Variants in BBS12 observed in about 807,000 individuals in gnomAD.
BBS12 encodes the protein chaperonin-containing T-complex member BBS12.
In BBS12, 5 loss-of-function variants were observed where a neutral mutation model predicts 5.6. The ratio of observed to expected loss-of-function variants is 0.89; its 90% CI spans 0.46 to 1.86. The LOEUF is 1.86. Ranked by LOEUF, BBS12 falls within the 40% of genes most tolerant of loss-of-function variation. BBS12 has a pLI of 0.01. For synonymous variants in BBS12, 308 were observed against 306.8 expected (o/e 1.00, Z -0.04); for missense variants, 748 against 830.4 (o/e 0.90, Z 1.22).
At chr4:122,710,331 A>G in the BBS12 span, among the ~76,000 whole-genome samples, 1 of 152,242 alleles carries the variant, frequency 6.6e-6, no homozygotes, top group African/African-American at 2.4e-5. Context: ...AAATTAAATA[A>G]TAAAGATCTA....
chr4:122,715,121 G>A, the BBS12 span, among the ~76,000 whole-genome samples: 3 of 151,444 alleles, frequency 2.0e-5, no homozygotes, highest in Admixed American at 6.6e-5. Flanking sequence ...ATACTACACA[G>A]TTGGAGGCAT....
At chr4:122,741,407 G>A (rs1373755202) in intron 1 of BBS12, among the ~76,000 whole-genome samples, 1 of 152,124 alleles carries the variant, frequency 6.6e-6, no homozygotes, top group Non-Finnish European at 1.5e-5. Flanking sequence ...GGCTGGTCTC[G>A]AACCCCTGAC....
At chr4:122,719,148 G>A in the BBS12 span, among the ~76,000 whole-genome samples, 31 of 152,158 alleles carry the variant, frequency 2.0e-4, no homozygotes, top group Non-Finnish European at 4.0e-4. Flanking sequence ...CCAAGACTGA[G>A]AGGTGAAGCC....
chr4:122,741,738 T>C, intron 1 of BBS12, 145 bp from the exon 2 acceptor site: 1 of 661,608 alleles, frequency 1.5e-6, no homozygotes, highest in East Asian at 2.8e-5. Context: ...AATAGAATAA[T>C]AATACTGTAT....
At chr4:122,736,691 T>G (rs1481004412) in intron 1 of BBS12, among the ~76,000 whole-genome samples, 1 of 152,160 alleles carries the variant, frequency 6.6e-6, no homozygotes, top group African/African-American at 2.4e-5. Flanking sequence ...ATTGTGTCTG[T>G]GTAATGCCAA....
rs765821625 is a variant in BBS12, at chr4:122,743,010, A to G, written c.1118A>G (p.Asn373Ser). 3 of 1,614,130 alleles carry G rather than the reference A, an allele frequency of 1.9e-6. No homozygotes were observed. The highest frequency in any genetic ancestry group is 2.5e-6 in the Non-Finnish European group (3 of 1,180,056). ...LTENYRHLGF[N>S]KSANIKTVLD... is the part of the protein sequence containing the mutation. ...GAGAATTACCGCCACCTGGGATTTA[A>G]TAAGTCTGCAAATATTAAAACAGTA... Residue 373 changes from asparagine (N) to serine (S), a missense_variant, in exon 2 of 2, where the codon AAT becomes AGT. Transcript: ENST00000314218.
chr4:122,702,131 G>A, the BBS12 span, among the ~76,000 whole-genome samples: 1 of 152,174 alleles, frequency 6.6e-6, no homozygotes, highest in African/African-American at 2.4e-5. Context: ...AGGCTAGAGT[G>A]CAGTTGCATA....
chr4:122,725,725 C>T, the BBS12 span, among the ~76,000 whole-genome samples: 58 of 151,814 alleles, frequency 3.8e-4, 1 homozygote, highest in Middle Eastern at 0.01. Flanking sequence ...GGTGAAACCC[C>T]GTCTCTACTA....
Position 122,744,376 on chromosome 4 carries a change from G to T in BBS12, c.*351G>T. 3.9e-6 allele frequency: 1 copy of T among 259,256 alleles called. No homozygotes were observed. 16.1% of individuals were successfully genotyped at this position (259,256 alleles called of 1,614,324 possible). A position where few individuals can be genotyped will look rare whatever the true frequency, so the allele number is the denominator to read the frequency against. Reference sequence around the variant, plus strand: ...CACAAAGGGCCCATGATGAAAGCCTGCACACAGTGGGTTATGTTGTAAGCT... The same window carrying T: ...CACAAAGGGCCCATGATGAAAGCCTTCACACAGTGGGTTATGTTGTAAGCT... On this transcript the variant is annotated 3_prime_UTR_variant, in exon 2 of 2. Transcript: ENST00000314218.
At chr4:122,717,395 CTTTTT>C in the BBS12 span, among the ~76,000 whole-genome samples, 1 of 151,308 alleles carries the variant, frequency 6.6e-6, no homozygotes, top group African/African-American at 2.4e-5. Context: ...TCTATTCTTT[CTTTTT>C]TTTTAAGTGC....
At chr4:122,709,209 A>ATAAC in the BBS12 span, among the ~76,000 whole-genome samples, 5 of 152,322 alleles carry the variant, frequency 3.3e-5, no homozygotes, top group South Asian at 6.2e-4. Flanking sequence ...CTTGATTGAC[A>ATAAC]TAACTTTGAG....
At chr4:122,701,440 A>ATGTC in the BBS12 span, among the ~76,000 whole-genome samples, 1 of 17,834 alleles carries the variant, frequency 5.6e-5, no homozygotes, top group South Asian at 9.1e-3. Flanking sequence ...GAAAAATGTC[A>ATGTC]AAAGACCTAC....
At chr4:122,709,705 G>A in the BBS12 span, among the ~76,000 whole-genome samples, 4 of 151,476 alleles carry the variant, frequency 2.6e-5, no homozygotes, top group African/African-American at 9.7e-5. Flanking sequence ...CCTAGGCTGG[G>A]TTGCAGTGGC....
chr4:122,713,445 T>C, the BBS12 span, among the ~76,000 whole-genome samples: 3 of 152,264 alleles, frequency 2.0e-5, no homozygotes, highest in Middle Eastern at 3.4e-3. Flanking sequence ...TATGCTATGA[T>C]TGTGCCTGTG....
the BBS12 span, among the ~76,000 whole-genome samples, chr4:122,704,082 T>C: frequency 1.3e-5 from 2 of 152,196 alleles, no homozygotes. Context: ...ACTTTTGGGC[T>C]CAAGTGATGC....
At chr4:122,730,092 A>C (rs1036488393), upstream of BBS12, 1 of 152,242 alleles carries the variant, frequency 6.6e-6, no homozygotes, top group South Asian at 2.1e-4. Flanking sequence ...TATAACTAAA[A>C]GAAGAAAATT....
chr4:122,712,283 G>A, the BBS12 span, among the ~76,000 whole-genome samples: 2 of 152,108 alleles, frequency 1.3e-5, no homozygotes, highest in Admixed American at 6.6e-5. Flanking sequence ...CTGTCTCTCT[G>A]GAGAACCTTG....
Position 122,742,302 on chromosome 4 carries a change from T to C in BBS12, c.410T>C (p.Ile137Thr). Reference sequence around the variant, plus strand: ...TCTCTTCATGTACCTGTTCACAATATATTTGACTGTATGGACAGCACAAAA... The same window carrying C: ...TCTCTTCATGTACCTGTTCACAATACATTTGACTGTATGGACAGCACAAAA... ...VVSLHVPVHN[I>T]FDCMDSTKTF... The change falls in exon 2 of 2, where the codon ATA becomes ACA. Residue 137 changes from isoleucine (I) to threonine (T), a missense_variant. Transcript: ENST00000314218. 4 of 1,614,070 alleles carry C rather than the reference T, an allele frequency of 2.5e-6. No individual in the cohort carries two copies. The highest frequency in any genetic ancestry group is 3.4e-6 in the Non-Finnish European group (4 of 1,179,998).
rs2150737974 is a variant in BBS12 at position 122,743,881 on chromosome 4, T to C, written c.1989T>C (p.Tyr663=). Reference sequence around the variant, plus strand: ...AACTGGAGCAGATTCCGAGAGTTTATGACGTTGTTACACCAAAGATTGAGG... The same window carrying C: ...AACTGGAGCAGATTCCGAGAGTTTACGACGTTGTTACACCAAAGATTGAGG... ...SNKLEQIPRV[Y]DVVTPKIEAW... is the part of the protein sequence containing the mutation. The change falls in exon 2 of 2, where the codon TAT becomes TAC. Residue 663 remains tyrosine (Y), a synonymous_variant. Coordinates refer to ENST00000314218, the MANE Select transcript of BBS12 (RefSeq NM_152618.3). 10 of 1,605,134 alleles carry C rather than the reference T, an allele frequency of 6.2e-6. No individual in the cohort carries two copies. Among genetic ancestry groups the C allele is most frequent in the Non-Finnish European group, 8.5e-6 (10 of 1,175,770 alleles).
Sources: gnomAD v4.1 joint callset for allele counts (sites outside exome capture counted in the v4.1 genomes callset) on GRCh38, gnomAD v4.1.1 for gene constraint, MANE v1.5 for transcripts, NCBI Gene and HGNC (gene_info 2026-07-23, HGNC 2026-07-21) for gene names.